CLU: variants seen among roughly 807,000 people sequenced by gnomAD.
CLU encodes aging-associated protein 4.
A neutral mutation model predicts 46.4 loss-of-function variants in CLU; 25 were observed. That is an observed-to-expected ratio of 0.54 (90% confidence interval 0.39 to 0.75). The LOEUF (loss-of-function observed/expected upper bound fraction) is 0.75. CLU is among the 30% of genes least tolerant of loss of function. The pLI, the probability that CLU is intolerant of heterozygous loss-of-function variation, is 0.00. For missense variants in CLU, 504 were observed against 592.1 expected (o/e 0.85, Z 1.54); for synonymous variants, 235 against 235.1 (o/e 1.00, Z 0.00).
chr8:27,608,469 GACCTGCTATATCCACT>G, intron 3 of CLU: 1 of 234,768 alleles, frequency 4.3e-6, no homozygotes, highest in Non-Finnish European at 8.4e-6. Flanking sequence ...GCACAGGCTA[GACCTGCTATATCCACT>G]ACTGGGCTTA....
At chr8:27,608,622 G>T in intron 3 of CLU, 1 of 520,972 alleles carries the variant, frequency 1.9e-6, no homozygotes, top group South Asian at 2.1e-5. Flanking sequence ...GCCTGTCTGG[G>T]CCCCTGCCGC....
intron 2 of CLU, among the ~76,000 whole-genome samples, chr8:27,609,935 AC>A (rs1194847705): frequency 1.3e-5 from 2 of 152,116 alleles, no homozygotes; most frequent in African/African-American, 4.8e-5. Flanking sequence ...TTAAATATAC[AC>A]AATTTTTATT....
At chr8:27,604,029 C>T (rs188770824) in intron 6 of CLU, among the ~76,000 whole-genome samples, 7 of 152,272 alleles carry the variant, frequency 4.6e-5, no homozygotes, top group Non-Finnish European at 7.4e-5. Flanking sequence ...AACATGGGGC[C>T]GACCAGGTGG....
chr8:27,600,205 G>A (rs550165767), intron 6 of CLU, among the ~76,000 whole-genome samples, 196 bp from the exon 7 acceptor site: 20 of 152,292 alleles, frequency 1.3e-4, no homozygotes, highest in Non-Finnish European at 2.2e-4. Context: ...CACTGCTTCC[G>A]TCATCCAGAA....
At chr8:27,604,264 C>A (rs540613919) in intron 6 of CLU, 27 bp downstream of exon 6, 4 of 1,579,254 alleles carry the variant, frequency 2.5e-6, no homozygotes, top group South Asian at 1.1e-5. Flanking sequence ...TCAGGGGGGA[C>A]GGCTTGTGGT....
intron 1 of CLU, chr8:27,613,635 T>C (rs1263237453): frequency 2.0e-5 from 3 of 152,228 alleles, no homozygotes; most frequent in African/African-American, 7.2e-5. Flanking sequence ...TCCTTCTGTC[T>C]TCCATGCAGT....
rs774604157 is a variant in CLU, at chr8:27,610,530, G to T, written c.42C>A (p.Thr14=). Residue 14 remains threonine, a synonymous_variant, in exon 2 of 9, where the codon ACC becomes ACA. Coordinates refer to ENST00000316403, the MANE Select transcript of CLU (RefSeq NM_001831.4). Reference sequence around the variant, plus strand: ...CCCCCAGGACCTGCCCACTCTCCCAGGTCAGCAGCAGCCCCACAAACAGCA... The same window carrying T: ...CCCCCAGGACCTGCCCACTCTCCCATGTCAGCAGCAGCCCCACAAACAGCA... The part of the protein sequence containing the change: ...TLLLFVGLLL[T]WESGQVLGDQ... The T allele has an allele frequency of 1.9e-6, 3 of 1,614,114 alleles. No individual in the cohort carries two copies. The highest frequency in any genetic ancestry group is 2.5e-6 in the Non-Finnish European group (3 of 1,180,034).
rs746782662 is a variant in CLU at position 27,606,456 on chromosome 8, G to A, written c.315C>T (p.Thr105=). The A allele has an allele frequency of 3.7e-6, 6 of 1,614,102 alleles. No homozygotes were observed. Among genetic ancestry groups the A allele is most frequent in the Non-Finnish European group, 4.2e-6 (5 of 1,180,042 alleles). ...LKELPGVCNE[T]MMALWEECKP... Reference sequence around the variant, plus strand: ...TACACTCTTCCCAGAGGGCCATCATGGTCTCATTGCACACTCCTGGGAGCT... The same window carrying A: ...TACACTCTTCCCAGAGGGCCATCATAGTCTCATTGCACACTCCTGGGAGCT... Residue 105 remains threonine (T), a synonymous_variant, in exon 4 of 9, where the codon ACC becomes ACT. Coordinates refer to ENST00000316403, the MANE Select transcript of CLU (RefSeq NM_001831.4).
chr8:27,598,780 C>G, intron 7 of CLU, 145 bp from the exon 8 acceptor site: 1 of 761,458 alleles, frequency 1.3e-6, no homozygotes, highest in South Asian at 1.5e-5. Context: ...TCTTATACAT[C>G]TAGACGTAAG....
chr8:27,607,504 A>G (rs1800843451), intron 3 of CLU, among the ~76,000 whole-genome samples: 1 of 152,052 alleles, frequency 6.6e-6, no homozygotes, highest in African/African-American at 2.4e-5. Context: ...TAAACAAACT[A>G]TGGTTCATAT....
chr8:27,598,505 TC>T lies in CLU; in HGVS notation c.1294del (p.Glu432ArgfsTer52). 5.6e-6 allele frequency: 9 copies of T among 1,614,150 alleles called. No homozygotes were observed. Among genetic ancestry groups the T allele is most frequent in the Non-Finnish European group, 7.6e-6 (9 of 1,180,040 alleles). On this transcript the variant is annotated frameshift_variant, in exon 8 of 9. Transcript: ENST00000316403. LOFTEE classifies it high-confidence loss of function. ...EVSRKNPKFM[E>X]TVAEKALQEY... ...CTGCAGCGCTTTCTCCGCCACGGTC[TC>T]CATAAATTTAGGGTTCTTCCTGGAG...
intron 6 of CLU, among the ~76,000 whole-genome samples, chr8:27,601,908 T>C (rs1800728457): frequency 6.6e-6 from 1 of 151,984 alleles, no homozygotes; most frequent in Non-Finnish European, 1.5e-5. Context: ...CTGGCCAATA[T>C]GGTGAAACCC....
chr8:27,598,977 A>G (rs1277855709), intron 7 of CLU: 2 of 195,088 alleles, frequency 1.0e-5, no homozygotes, highest in African/African-American at 4.7e-5. Context: ...GGGAAGAAAG[A>G]AAAGAAAAAG....
At chr8:27,612,830 A>G (rs1800953049) in intron 1 of CLU, among the ~76,000 whole-genome samples, 1 of 151,908 alleles carries the variant, frequency 6.6e-6, no homozygotes, top group African/African-American at 2.4e-5. Flanking sequence ...AGTCCCCAGC[A>G]CTACCACACA....
chr8:27,602,089 T>C (rs897568805), intron 6 of CLU, among the ~76,000 whole-genome samples: 9 of 152,092 alleles, frequency 5.9e-5, no homozygotes, highest in African/African-American at 2.2e-4. Flanking sequence ...AGACCCTGTC[T>C]TAAAAAAATA....
At chr8:27,602,600 CA>C (rs780867922) in intron 6 of CLU, among the ~76,000 whole-genome samples, 16,041 of 103,524 alleles carry the variant, frequency 0.15, 2,673 homozygotes, top group African/African-American at 0.44. Context: ...GACCCTGTCT[CA>C]AAAAAAAAAA....
Position 27,599,656 on chromosome 8 carries a change from AG to A in CLU, c.1164+123del. On this transcript the variant is annotated intron_variant, in intron 7 of 8. Coordinates refer to ENST00000316403, the MANE Select transcript of CLU (RefSeq NM_001831.4). The surrounding 1 kb of genome is among the most constrained non-coding windows in gnomAD (Gnocchi z 4.0). ...GTGGGTGATGAGGCTTCAAGGCAAC[AG>A]GGGCGCCTAAAGTTTTCTATTTTCT... 1 of 741,626 alleles carries A rather than the reference AG, an allele frequency of 1.3e-6. No homozygotes were observed. 45.9% of individuals were successfully genotyped at this position (741,626 alleles called of 1,614,324 possible).
At chr8:27,608,662 C>T (rs1652826057) in intron 3 of CLU, 1 of 565,086 alleles carries the variant, frequency 1.8e-6, no homozygotes. Context: ...TTGGAACTAG[C>T]ATGTGATCAG....
intron 2 of CLU, 129 bp downstream of exon 2, chr8:27,610,346 C>G (rs1398996784): frequency 1.3e-6 from 1 of 798,486 alleles, no homozygotes; most frequent in East Asian, 2.5e-5. Context: ...GGCACCCAGA[C>G]CCAGTGCACA....
Sources: gnomAD v4.1 joint callset for allele counts (sites outside exome capture counted in the v4.1 genomes callset) on GRCh38, gnomAD v4.1.1 for gene constraint, Gnocchi (gnomAD v3.1) non-coding constraint, MANE v1.5 for transcripts, NCBI Gene and HGNC (gene_info 2026-07-23, HGNC 2026-07-21) for gene names.